The following ZNF595 variants were observed in gnomAD, a reference collection of about 807,000 sequenced individuals.
The protein encoded by ZNF595 is zinc finger protein 595.
ZNF595 carries 9 observed loss-of-function variants against 19.4 expected under a neutral mutation model. That is an observed-to-expected ratio of 0.46 (90% CI 0.28 to 0.81). The LOEUF is 0.81. ZNF595 is among the 30% of genes least tolerant of loss of function. The probability of loss-of-function intolerance (pLI) is 0.11; values close to 1 mark genes in which losing one functional copy is unlikely to be tolerated. For synonymous variants in ZNF595, 255 were observed against 255.9 expected, an observed-to-expected ratio of 1.00 and a Z score of 0.03; for missense variants, 729 against 736.0, an observed-to-expected ratio of 0.99 and a Z score of 0.11.
In ZNF595 at chr4:86,898, C is replaced by T. The variant is rs1553801841; in HGVS notation, c.1394C>T (p.Thr465Ile). The T allele has an allele frequency of 6.2e-7, 1 of 1,612,014 alleles. No individual in the cohort carries two copies. The highest frequency in any genetic ancestry group is 1.1e-5 in the South Asian group (1 of 90,810). The change falls in exon 4 of 4, where the codon ACA becomes ATA. Residue 465 changes from threonine to isoleucine, a missense_variant. Thr to Ile is a moderately conservative substitution (Grantham distance 89). Coordinates refer to ENST00000610261, the MANE Select transcript of ZNF595 (RefSeq NM_182524.4). ...TGTGGCAAAGCCTTTACACGGTCCA[C>T]AACACTGAACGAACATAAGAAAATT... Reference protein sequence around the residue: ...EECGKAFTRSTTLNEHKKIHT... With the variant: ...EECGKAFTRSITLNEHKKIHT...
At chr4:80,408 A>G (rs931503283) in intron 3 of ZNF595, among the ~76,000 whole-genome samples, 4 of 152,232 alleles carry the variant, frequency 2.6e-5, no homozygotes, top group African/African-American at 9.6e-5. Flanking sequence ...TGACAAGTCA[A>G]TGGCTGATAT....
In ZNF595 at chr4:86,453, T is replaced by C. The variant is rs1714181865; in HGVS notation, c.949T>C (p.Cys317Arg). 1 of 1,614,016 alleles carries C rather than the reference T, an allele frequency of 6.2e-7. No homozygotes were observed. Among genetic ancestry groups the C allele is most frequent in the East Asian group, 2.2e-5 (1 of 44,838 alleles). ...TGEKPYKCKE[C>R]GKAFRQSRSL... Reference sequence around the variant, plus strand: ...AGAGAAACCCTACAAATGTAAAGAATGTGGCAAAGCCTTTAGACAGTCCAG... The same window carrying C: ...AGAGAAACCCTACAAATGTAAAGAACGTGGCAAAGCCTTTAGACAGTCCAG... The change falls in exon 4 of 4, where the codon TGT (cysteine) becomes CGT (arginine). Residue 317 changes from cysteine (C) to arginine (R), a missense_variant. Cys to Arg is a radical substitution (Grantham distance 180). Coordinates refer to ENST00000610261, the MANE Select transcript of ZNF595 (RefSeq NM_182524.4).
At chr4:80,619 T>C (rs1305596882) in intron 3 of ZNF595, among the ~76,000 whole-genome samples, 10 of 152,006 alleles carry the variant, frequency 6.6e-5, no homozygotes, top group African/African-American at 2.4e-4. Context: ...GGGTAGGTAA[T>C]GGAAAATTAC....
intron 3 of ZNF595, among the ~76,000 whole-genome samples, chr4:61,003 A>G (rs1581322635): frequency 5.3e-5 from 8 of 152,018 alleles, no homozygotes; most frequent in African/African-American, 1.9e-4. Flanking sequence ...ACAAACAGTA[A>G]TGATAGCCGA....
rs1158965904 is a variant in ZNF595, at chr4:86,238, A to G, written c.734A>G (p.Glu245Gly). Residue 245 changes from glutamate (E) to glycine (G), a missense_variant, in exon 4 of 4, where the codon GAA becomes GGA. Glu to Gly is a moderately conservative substitution (Grantham distance 98). Coordinates refer to ENST00000610261, the MANE Select transcript of ZNF595 (RefSeq NM_182524.4). ...KAFRRSTVLN[E>G]HKKIHTGEKP... is the part of the protein sequence containing the mutation. ...TTTAGACGGTCCACAGTTCTGAACG[A>G]ACATAAGAAAATTCATACTGGAGAG... The G allele has an allele frequency of 6.2e-7, 1 of 1,611,654 alleles. No individual in the cohort carries two copies. The highest frequency in any genetic ancestry group is 8.5e-7 in the Non-Finnish European group (1 of 1,178,128).
chr4:83,642 AAAAGAAAG>A (rs1172401887), intron 3 of ZNF595, among the ~76,000 whole-genome samples: 1 of 136,384 alleles, frequency 7.3e-6, no homozygotes, highest in Non-Finnish European at 1.5e-5. Flanking sequence ...AAAAAAAAAA[AAAAGAAAG>A]AAAGAAAGAA....
chr4:86,878 C>T lies in ZNF595; in HGVS notation c.1374C>T (p.Gly458=). ...GQKPYKCEEC[G]KAFTRSTTLN... ...AACCTTACAAATGTGAAGAATGTGG[C>T]AAAGCCTTTACACGGTCCACAACAC... Residue 458 remains glycine (G), a synonymous_variant, in exon 4 of 4, where the codon GGC becomes GGT. Transcript: ENST00000610261. 6.2e-7 allele frequency: 1 copy of T among 1,611,948 alleles called. No individual in the cohort carries two copies. The highest frequency in any genetic ancestry group is 1.7e-5 in the Admixed American group (1 of 59,912).
intron 3 of ZNF595, among the ~76,000 whole-genome samples, chr4:69,191 A>C (rs782711183): frequency 6.6e-6 from 1 of 152,224 alleles, no homozygotes; most frequent in East Asian, 1.9e-4. Context: ...ATCTTGGCTA[A>C]TGTGAACACT....
At chr4:55,179 G>T (rs1581310092) in intron 1 of ZNF595, among the ~76,000 whole-genome samples, 1 of 151,390 alleles carries the variant, frequency 6.6e-6, no homozygotes, top group Middle Eastern at 3.2e-3. Context: ...GAGCCACCGC[G>T]CCCGGCCTCC....
intron 3 of ZNF595, among the ~76,000 whole-genome samples, chr4:82,442 A>G (rs536459540): frequency 7.4e-6 from 1 of 135,726 alleles, no homozygotes; most frequent in Non-Finnish European, 1.5e-5. Flanking sequence ...GGAGTGCAAC[A>G]GCGTGATCTC....
chr4:84,551 G>A (rs782406806), intron 3 of ZNF595, among the ~76,000 whole-genome samples: 37 of 152,010 alleles, frequency 2.4e-4, no homozygotes, highest in Non-Finnish European at 4.1e-4. Context: ...AAAAAATTTT[G>A]TTGACAGATT....
intron 3 of ZNF595, among the ~76,000 whole-genome samples, chr4:81,585 A>C (rs530347551): frequency 2.8e-4 from 43 of 152,328 alleles, no homozygotes; most frequent in African/African-American, 1.0e-3. Flanking sequence ...ATATTTTTAA[A>C]TATTCAGCTT....
chr4:69,092 T>C (rs1331119647), intron 3 of ZNF595, among the ~76,000 whole-genome samples: 1 of 152,228 alleles, frequency 6.6e-6, no homozygotes, highest in Non-Finnish European at 1.5e-5. Flanking sequence ...ATCATATTCT[T>C]TTTTATGATT....
At chr4:73,639 A>T (rs1315322523) in intron 3 of ZNF595, among the ~76,000 whole-genome samples, 1 of 151,938 alleles carries the variant, frequency 6.6e-6, no homozygotes, top group Non-Finnish European at 1.5e-5. Context: ...TCACTAACCC[A>T]CCTCCTCTTT....
chr4:54,744 C>T (rs10155115), intron 1 of ZNF595, among the ~76,000 whole-genome samples: 4,113 of 120,960 alleles, frequency 0.034, no homozygotes, highest in Middle Eastern at 0.12. Flanking sequence ...GAACCTGCTT[C>T]CTTCACCCAC....
chr4:87,015 G>C lies in ZNF595; in HGVS notation c.1511G>C (p.Gly504Ala), dbSNP rs1553801910. ...AATGAACATAAGAATATTCATACTGGAGAGAAACCCTACAAATGTAAAGAA... is the reference window on the plus strand; with the variant it reads ...AATGAACATAAGAATATTCATACTGCAGAGAAACCCTACAAATGTAAAGAA... Reference protein sequence around the residue: ...SLNEHKNIHTGEKPYKCKECG... With the variant: ...SLNEHKNIHTAEKPYKCKECG... Residue 504 changes from glycine (G) to alanine (A), a missense_variant, in exon 4 of 4, where the codon GGA becomes GCA. By Grantham distance (60) the Gly-to-Ala change is moderately conservative. Around this residue, in one of 2 missense-constraint regions of ZNF595, gnomAD observed 729 missense variants for 675.3 expected, o/e 1.08. Coordinates refer to ENST00000610261, the MANE Select transcript of ZNF595 (RefSeq NM_182524.4). 6.2e-7 allele frequency: 1 copy of C among 1,613,850 alleles called. No homozygotes were observed. Among genetic ancestry groups the C allele is most frequent in the South Asian group, 1.1e-5 (1 of 91,058 alleles).
intron 3 of ZNF595, among the ~76,000 whole-genome samples, chr4:84,204 C>G (rs1714041390): frequency 6.6e-6 from 1 of 151,988 alleles, no homozygotes; most frequent in Admixed American, 6.6e-5. Flanking sequence ...TTTTTATGCT[C>G]TTTAAAATTT....
intron 3 of ZNF595, among the ~76,000 whole-genome samples, chr4:82,801 A>G (rs1477475474): frequency 2.6e-5 from 4 of 152,180 alleles, no homozygotes; most frequent in East Asian, 3.9e-4. Flanking sequence ...CAGGTGGTCT[A>G]TCAAGGAGAA....
intron 3 of ZNF595, among the ~76,000 whole-genome samples, chr4:83,690 TTAAA>T (rs2108762305): frequency 6.6e-6 from 1 of 151,786 alleles, no homozygotes; most frequent in South Asian, 2.1e-4. Context: ...TTTTGATTTC[TTAAA>T]TAAATTTATT....
Sources: gnomAD v4.1 joint callset for allele counts (sites outside exome capture counted in the v4.1 genomes callset) on GRCh38, gnomAD v4.1.1 for gene constraint, gnomAD v4.1.1 regional missense constraint, MANE v1.5 for transcripts, NCBI Gene and HGNC (gene_info 2026-07-23, HGNC 2026-07-21) for gene names.